Variants in CLMN observed in about 807,000 individuals in gnomAD.
The protein encoded by CLMN is calmin, also known as calmin (calponin-like, transmembrane).
CLMN carries 57 observed loss-of-function variants against 92.7 expected under a neutral mutation model. The observed-to-expected ratio is 0.61, with a 90% CI of 0.50 to 0.77. The LOEUF is 0.77. Ranked by LOEUF, CLMN falls within the 30% of genes least tolerant of loss-of-function variation. CLMN has a pLI of 0.00. For missense variants in CLMN, 1,158 were observed against 1,237.5 expected (o/e 0.94, Z 0.96); for synonymous variants, 466 against 470.6 (o/e 0.99, Z 0.13).
At chr14:95,293,799 T>C (rs1900697211) in intron 1 of CLMN, among the ~76,000 whole-genome samples, 1 of 151,936 alleles carries the variant, frequency 6.6e-6, no homozygotes, top group South Asian at 2.1e-4. Context: ...GGCTCCTTCC[T>C]TTCCCAAGGG....
intron 1 of CLMN, among the ~76,000 whole-genome samples, chr14:95,316,384 C>T (rs1211482899): frequency 6.6e-6 from 1 of 152,276 alleles, no homozygotes; most frequent in East Asian, 1.9e-4. Context: ...CAGAGGGCTC[C>T]TCCTTGACGA....
At chr14:95,277,400 G>C (rs1236785362) in intron 1 of CLMN, among the ~76,000 whole-genome samples, 2 of 152,180 alleles carry the variant, frequency 1.3e-5, no homozygotes, top group Non-Finnish European at 2.9e-5. Context: ...TATGTCCTTG[G>C]GAGCTTGACT....
intron 10 of CLMN, among the ~76,000 whole-genome samples, chr14:95,195,245 C>A (rs1171616859): frequency 6.6e-6 from 1 of 152,232 alleles, no homozygotes; most frequent in Non-Finnish European, 1.5e-5. Context: ...TTGGGCAAAT[C>A]CCCTGCACTG....
chr14:95,277,405 T>C (rs1013949958), intron 1 of CLMN, among the ~76,000 whole-genome samples: 1 of 152,242 alleles, frequency 6.6e-6, no homozygotes, highest in African/African-American at 2.4e-5. Context: ...CCTTGGGAGC[T>C]TGACTTTCTA....
chr14:95,208,674 T>A (rs1289074106), intron 8 of CLMN, among the ~76,000 whole-genome samples: 2 of 152,242 alleles, frequency 1.3e-5, no homozygotes, highest in Non-Finnish European at 2.9e-5. Context: ...GCACGTTACA[T>A]GTAAATAGTT....
intron 2 of CLMN, among the ~76,000 whole-genome samples, chr14:95,225,900 G>C (rs1186217345): frequency 6.6e-6 from 1 of 152,220 alleles, no homozygotes; most frequent in Non-Finnish European, 1.5e-5. Context: ...GTATCTGCTA[G>C]GAGCTTGGCT....
At chr14:95,291,004 G>A (rs535506468) in intron 1 of CLMN, among the ~76,000 whole-genome samples, 1 of 152,178 alleles carries the variant, frequency 6.6e-6, no homozygotes, top group Non-Finnish European at 1.5e-5. Context: ...TGCTGATGCT[G>A]CTATGATTAT....
chr14:95,314,505 G>A (rs1216254033), intron 1 of CLMN, among the ~76,000 whole-genome samples: 2 of 152,102 alleles, frequency 1.3e-5, no homozygotes, highest in Non-Finnish European at 2.9e-5. Flanking sequence ...CACCTTCCCA[G>A]GGGTGGATTT....
chr14:95,206,398 T>G (rs1002715868), intron 8 of CLMN, among the ~76,000 whole-genome samples: 25 of 152,264 alleles, frequency 1.6e-4, no homozygotes, highest in Middle Eastern at 3.4e-3. Context: ...AATACTAGAA[T>G]AGCATATTAA....
At chr14:95,235,192 CAG>C (rs1156457376) in intron 1 of CLMN, among the ~76,000 whole-genome samples, 4 of 152,130 alleles carry the variant, frequency 2.6e-5, no homozygotes, top group Admixed American at 6.5e-5. Context: ...GTAAATGGCT[CAG>C]AGTTTCTCAA....
chr14:95,193,617 C>T (rs1215912957), intron 12 of CLMN, among the ~76,000 whole-genome samples: 2 of 152,230 alleles, frequency 1.3e-5, no homozygotes, highest in Non-Finnish European at 1.5e-5. Context: ...TAAACTGACT[C>T]ATTTTCGGAA....
chr14:95,267,218 C>T (rs1170037278), intron 1 of CLMN, among the ~76,000 whole-genome samples: 2 of 152,222 alleles, frequency 1.3e-5, no homozygotes, highest in African/African-American at 2.4e-5. Flanking sequence ...GCAAAGGAAA[C>T]AATCAACAAA....
At chr14:95,282,025 C>G (rs902800675) in intron 1 of CLMN, among the ~76,000 whole-genome samples, 5 of 152,176 alleles carry the variant, frequency 3.3e-5, no homozygotes, top group Admixed American at 1.3e-4. Context: ...CTGTGTGTCT[C>G]TGGTTATGGA....
intron 1 of CLMN, among the ~76,000 whole-genome samples, chr14:95,238,012 G>A (rs938416571): frequency 6.6e-5 from 10 of 152,248 alleles, no homozygotes; most frequent in African/African-American, 2.2e-4. Context: ...TTCCTCTCTT[G>A]AGCCAAGTGA....
intron 4 of CLMN, among the ~76,000 whole-genome samples, chr14:95,219,901 T>C (rs925642119): frequency 3.9e-5 from 6 of 152,232 alleles, no homozygotes. Context: ...CAATCAATTT[T>C]AGAACATTTT....
In CLMN at chr14:95,210,897, G is replaced by C. The variant is rs747908533; in HGVS notation, c.609-18C>G. 3.3e-6 allele frequency: 5 copies of C among 1,494,272 alleles called. No individual in the cohort carries two copies. The African/African-American group carries it at 5.8e-5, about 17-fold the overall frequency. 92.6% of individuals were successfully genotyped at this position (1,494,272 alleles called of 1,614,324 possible). ...CGCCATACCTGAAGGAAAAACAGCA[G>C]CGGCGGCCAGGATGCTGGTTAGTAA... is the stretch of plus-strand genomic sequence containing the variant. On this transcript the variant is annotated intron_variant, in intron 6 of 12. Transcript: ENST00000298912.
chr14:95,195,701 C>T (rs944461183), intron 10 of CLMN, among the ~76,000 whole-genome samples: 1 of 152,238 alleles, frequency 6.6e-6, no homozygotes, highest in Admixed American at 6.5e-5. Flanking sequence ...ATATGAGGCA[C>T]AGTCCCACCA....
chr14:95,263,617 TG>T (rs1173867556), intron 1 of CLMN, among the ~76,000 whole-genome samples: 1 of 152,202 alleles, frequency 6.6e-6, no homozygotes, highest in East Asian at 1.9e-4. Flanking sequence ...AAACGTTACT[TG>T]GAATATGAAT....
intron 1 of CLMN, among the ~76,000 whole-genome samples, chr14:95,263,576 C>A (rs1421949695): frequency 1.3e-5 from 2 of 152,176 alleles, no homozygotes; most frequent in African/African-American, 2.4e-5. Context: ...GCCCACTTCA[C>A]CTCAATGCAG....
Sources: allele counts gnomAD v4.1 joint callset (sites outside exome capture counted in the v4.1 genomes callset), GRCh38; gene constraint gnomAD v4.1.1; transcripts MANE v1.5; gene names NCBI Gene and HGNC (gene_info 2026-07-23, HGNC 2026-07-21).